FHIP1B: variants seen among roughly 807,000 people sequenced by gnomAD.
FHIP1B encodes FHF complex subunit HOOK interacting protein 1B, also known as FHF complex subunit HOOK-interacting protein 1B.
In FHIP1B, 28 loss-of-function variants were observed where a neutral mutation model predicts 82.2. The observed-to-expected ratio is 0.34, with a 90% CI of 0.25 to 0.47. The LOEUF is 0.47. Ranked by LOEUF, FHIP1B falls within the 20% of genes least tolerant of loss-of-function variation. FHIP1B has a pLI of 1.00. For missense variants in FHIP1B, 1,110 were observed against 1,262.6 expected, an observed-to-expected ratio of 0.88 and a Z score of 1.83; for synonymous variants, 585 against 516.1, an observed-to-expected ratio of 1.13 and a Z score of -1.81.
At chr11:6,227,554 A>G (rs1239461570) in intron 1 of FHIP1B, among the ~76,000 whole-genome samples, 1 of 152,226 alleles carries the variant, frequency 6.6e-6, no homozygotes, top group Non-Finnish European at 1.5e-5. Flanking sequence ...AGTTTTGAAC[A>G]TGTTAAGTTT....
chr11:6,222,285 TG>T (rs1009488778), intron 6 of FHIP1B, among the ~76,000 whole-genome samples, 156 bp downstream of exon 6: 2 of 152,102 alleles, frequency 1.3e-5, no homozygotes, highest in East Asian at 1.9e-4. Flanking sequence ...GTACCCAAAA[TG>T]GTTAAAAGTT....
In FHIP1B at chr11:6,232,143, A is replaced by G. The variant is rs532327429; in HGVS notation, c.-192+2401T>C. 7.2e-5 allele frequency among the ~76,000 whole-genome samples: 11 copies of G among 151,834 alleles called. No individual in the cohort carries two copies. The East Asian group carries it at 1.7e-3, about 24-fold the overall frequency. On this transcript the variant is annotated intron_variant, in intron 1 of 11. Transcript: ENST00000449352. ...TCCTCTCAGAACTACCACTCACTATATGATACAAATCAAAATCCATTATAC... is the reference window on the plus strand; with the variant it reads ...TCCTCTCAGAACTACCACTCACTATGTGATACAAATCAAAATCCATTATAC...
In FHIP1B at chr11:6,211,407, T is replaced by C. The variant is rs762829247; in HGVS notation, c.*99A>G. 452 of 1,411,868 alleles carry C rather than the reference T, an allele frequency of 3.2e-4. 1 individual carries two copies. The highest frequency in any genetic ancestry group is 4.3e-4 in the Admixed American group (17 of 39,650). 87.5% of individuals were successfully genotyped at this position (1,411,868 alleles called of 1,614,324 possible). ...CCATAAAACATTCATCTGAAATAAA[T>C]TAAAAAGTCCTTTTGCCACTGCCTC... On this transcript the variant is annotated 3_prime_UTR_variant, in exon 12 of 12. Transcript: ENST00000449352.
chr11:6,224,355 G>T (rs775888173), intron 2 of FHIP1B, 24 bp downstream of exon 2: 2 of 1,614,232 alleles, frequency 1.2e-6, no homozygotes, highest in South Asian at 2.2e-5. Flanking sequence ...AGCAGACAAG[G>T]CCCTTTGCCA....
intron 1 of FHIP1B, among the ~76,000 whole-genome samples, chr11:6,226,489 T>C (rs1847568161): frequency 6.6e-6 from 1 of 152,236 alleles, no homozygotes; most frequent in South Asian, 2.1e-4. Context: ...CAACTAACTC[T>C]GCCTGGGCTA....
rs572108100 is a variant in FHIP1B, at chr11:6,219,186, C to T, written c.1192-136G>A. ...AGAGGAACTCCTAGAGGACCATGTA[C>T]CATGCCTGGCACATAAGTCATTCAA... On this transcript the variant is annotated intron_variant, in intron 6 of 11. Coordinates refer to ENST00000449352, the MANE Select transcript of FHIP1B (RefSeq NM_001098794.2). 203 of 638,158 alleles carry T rather than the reference C, an allele frequency of 3.2e-4. 7 individuals carry two copies. In the South Asian group the frequency reaches 3.6e-3, roughly 11 times the overall value. 39.5% of individuals were successfully genotyped at this position (638,158 alleles called of 1,614,324 possible).
Position 6,218,142 on chromosome 11 carries a change from T to C in FHIP1B, c.1444A>G (p.Ser482Gly), listed in dbSNP as rs150866102. ...EHASWARGPG[S>G]PSVDSSSVTT... ...ACAGAAGAGGAGTCCACACTTGGGC[T>C]TCCAGGACCTGCAAAGGGAAAAAAT... Residue 482 changes from serine (S) to glycine (G), a missense_variant, in exon 9 of 12, where the codon AGC becomes GGC. Coordinates refer to ENST00000449352, the MANE Select transcript of FHIP1B (RefSeq NM_001098794.2). 4.3e-5 allele frequency: 70 copies of C among 1,610,774 alleles called. No individual in the cohort carries two copies. In the African/African-American group the frequency reaches 8.8e-4, roughly 20 times the overall value.
chr11:6,224,195 G>C lies in FHIP1B; in HGVS notation c.192C>G (p.Asp64Glu). Reference protein sequence around the residue: ...QGPRAAPGGADDLSAVRNHTY... With the variant: ...QGPRAAPGGAEDLSAVRNHTY... ...TGTGGTTGCGCACAGCACTGAGATC[G>C]TCTGCACCCCCAGGAGCTGCCCGAG... Residue 64 changes from aspartate to glutamate, a missense_variant, in exon 3 of 12, where the codon GAC (aspartate) becomes GAG (glutamate). Around this residue, in one of 6 missense-constraint regions of FHIP1B, gnomAD observed 467 missense variants for 602.9 expected, o/e 0.77. Transcript: ENST00000449352. 1 of 1,612,698 alleles carries C rather than the reference G, an allele frequency of 6.2e-7. No individual in the cohort carries two copies. Among genetic ancestry groups the C allele is most frequent in the Non-Finnish European group, 8.5e-7 (1 of 1,179,236 alleles).
chr11:6,214,694 C>G (rs199916369), intron 10 of FHIP1B, 39 bp downstream of exon 10: 1 of 1,546,356 alleles, frequency 6.5e-7, no homozygotes, highest in Admixed American at 1.9e-5. Flanking sequence ...TGGCCCACCA[C>G]GGAGCCTGGA....
chr11:6,214,510 G>C lies in FHIP1B; in HGVS notation c.2458C>G (p.Leu820Val), dbSNP rs147815418. The change falls in exon 11 of 12, where the codon CTG becomes GTG. Residue 820 changes from leucine (L) to valine (V), a missense_variant. Around this residue, in one of 6 missense-constraint regions of FHIP1B, gnomAD observed 147 missense variants for 154.0 expected, o/e 0.95. Coordinates refer to ENST00000449352, the MANE Select transcript of FHIP1B (RefSeq NM_001098794.2). The stretch of plus-strand genomic sequence containing the variant: ...AGGTACTTCTTGGCTTTGGACAGCA[G>C]TGCTGGGAAGTCCTCCTGGGAAGCC... The part of the protein sequence containing the change: ...FAASQEDFPA[L>V]LSKAKKYLIA... 1 of 1,614,190 alleles carries C rather than the reference G, an allele frequency of 6.2e-7. No homozygotes were observed. Among genetic ancestry groups the C allele is most frequent in the Non-Finnish European group, 8.5e-7 (1 of 1,180,008 alleles).
Position 6,217,515 on chromosome 11 carries a change from C to A in FHIP1B, c.2071G>T (p.Gly691Cys). ...LEVALSNGGTGSESPLEPPLP... is the reference protein window; with the variant it reads ...LEVALSNGGTCSESPLEPPLP... ...GGAGGTTCTAAGGGGGACTCTGAGC[C>A]AGTTCCCCCATTGCTCAATGCCACC... Residue 691 changes from glycine to cysteine, a missense_variant, in exon 9 of 12, where the codon GGC becomes TGC. Transcript: ENST00000449352. The A allele has an allele frequency of 1.9e-6, 3 of 1,611,900 alleles. No individual in the cohort carries two copies. The highest frequency in any genetic ancestry group is 2.5e-6 in the Non-Finnish European group (3 of 1,178,662).
rs752701282 is a variant in FHIP1B, at chr11:6,218,717, C to A, written c.1318G>T (p.Val440Phe). The stretch of plus-strand genomic sequence containing the variant: ...CGTCCATATAGGTCCACATCACGAA[C>A]AGCCGGCTTCTGGCTCAGCATAACG... ...NHVMLSQKPAVRDVDLYGRAA... is the reference protein window; with the variant it reads ...NHVMLSQKPAFRDVDLYGRAA... Residue 440 changes from valine (V) to phenylalanine (F), a missense_variant, in exon 8 of 12, where the codon GTT becomes TTT. Val to Phe is a conservative substitution (Grantham distance 50, BLOSUM62 -1). Around this residue, in one of 6 missense-constraint regions of FHIP1B, gnomAD observed 467 missense variants for 602.9 expected, o/e 0.77. Transcript: ENST00000449352. The A allele has an allele frequency of 6.2e-7, 1 of 1,614,170 alleles. No individual in the cohort carries two copies. Among genetic ancestry groups the A allele is most frequent in the Non-Finnish European group, 8.5e-7 (1 of 1,180,040 alleles).
In FHIP1B at chr11:6,222,547, T is replaced by C; in HGVS notation, c.1086A>G (p.Ser362=). ...AYLELFLRSI[S]EPALLRTFLR... ...GGAAGGTACGGAGCAAAGCAGGCTC[T>C]GAGATACTCCGTAGGAAAAGTTCCA... Residue 362 remains serine (S), a synonymous_variant, in exon 6 of 12, where the codon TCA becomes TCG. Coordinates refer to ENST00000449352, the MANE Select transcript of FHIP1B (RefSeq NM_001098794.2). The C allele has an allele frequency of 6.2e-7, 1 of 1,613,506 alleles. No individual in the cohort carries two copies. The highest frequency in any genetic ancestry group is 8.5e-7 in the Non-Finnish European group (1 of 1,179,486).
intron 1 of FHIP1B, among the ~76,000 whole-genome samples, chr11:6,231,605 G>GGACC (rs1284480533): frequency 6.6e-6 from 1 of 151,610 alleles, no homozygotes; most frequent in Non-Finnish European, 1.5e-5. Flanking sequence ...GGAGTAGCCA[G>GGACC]GACCACAAGT....
At chr11:6,221,923 C>G (rs149189254) in intron 6 of FHIP1B, among the ~76,000 whole-genome samples, 1 of 152,248 alleles carries the variant, frequency 6.6e-6, no homozygotes, top group Admixed American at 6.5e-5. Context: ...GTATGGCACA[C>G]AGTGAACATT....
chr11:6,213,523 T>C (rs11040807), intron 11 of FHIP1B, among the ~76,000 whole-genome samples: 68,250 of 152,094 alleles, frequency 0.45, 17,160 homozygotes, highest in East Asian at 0.78. Flanking sequence ...CTAGTCACTC[T>C]CCAGATTGTA....
chr11:6,227,310 T>C (rs1554912867), intron 1 of FHIP1B, among the ~76,000 whole-genome samples: 1 of 152,038 alleles, frequency 6.6e-6, no homozygotes, highest in Non-Finnish European at 1.5e-5. Context: ...CCCAGAGAGG[T>C]TAAATAAATT....
At position 6,214,895 on chromosome 11, in the gene FHIP1B, C is replaced by T. The variant is rs1847181460; in HGVS notation, c.2232G>A (p.Val744=). Residue 744 remains valine (V), a synonymous_variant, in exon 10 of 12, where the codon GTG becomes GTA. Transcript: ENST00000449352. ...SQPFTGPFMA[V]LFAKLENMLQ... ...GCATGTTCTCGAGTTTGGCAAAGAG[C>T]ACAGCCATGAAGGGGCCTGGGTTGG... is the stretch of plus-strand genomic sequence containing the variant. 1.3e-6 allele frequency: 2 copies of T among 1,592,444 alleles called. No homozygotes were observed. Among genetic ancestry groups the T allele is most frequent in the Non-Finnish European group, 1.7e-6 (2 of 1,167,996 alleles).
rs1847611198 is a variant in FHIP1B at position 6,228,176 on chromosome 11, C to T, written c.-191-3469G>A. On this transcript the variant is annotated intron_variant, in intron 1 of 11. Transcript: ENST00000449352. Reference sequence around the variant, plus strand: ...CAGCCTGACCAACACGGTGAAACCCCATCTCTATTTTAAAAAATACAAAAT... The same window carrying T: ...CAGCCTGACCAACACGGTGAAACCCTATCTCTATTTTAAAAAATACAAAAT... Among the ~76,000 whole-genome samples the T allele has an allele frequency of 2.0e-5, 3 of 152,066 alleles. 1 individual carries two copies. Among genetic ancestry groups the T allele is most frequent in the Admixed American group, 2.0e-4 (3 of 15,274 alleles).
Sources: gnomAD v4.1 joint callset for allele counts (sites outside exome capture counted in the v4.1 genomes callset) on GRCh38, gnomAD v4.1.1 for gene constraint, gnomAD v4.1.1 regional missense constraint, MANE v1.5 for transcripts, NCBI Gene and HGNC (gene_info 2026-07-23, HGNC 2026-07-21) for gene names.